The following MAP3K19 variants were observed in gnomAD, a reference collection of about 807,000 sequenced individuals.
MAP3K19 encodes SPS1/STE20-related protein kinase YSK4.
In MAP3K19, 91 loss-of-function variants were observed where a neutral mutation model predicts 114.4. That is an observed-to-expected ratio of 0.80 (90% CI 0.67 to 0.95). The LOEUF is 0.95. MAP3K19 is among the 40% of genes least tolerant of loss of function. The probability of loss-of-function intolerance (pLI) is 0.00; values close to 1 mark genes in which losing one functional copy is unlikely to be tolerated. For synonymous variants in MAP3K19, 518 were observed against 530.5 expected (o/e 0.98, Z 0.32); for missense variants, 1,471 against 1,573.2 (o/e 0.94, Z 1.10).
At chr2:135,026,894 T>G (rs1163989044) in intron 3 of MAP3K19, among the ~76,000 whole-genome samples, 1 of 152,190 alleles carries the variant, frequency 6.6e-6, no homozygotes, top group Non-Finnish European at 1.5e-5. Flanking sequence ...GAATAATAGG[T>G]AGCAAATTTT....
intron 2 of MAP3K19, among the ~76,000 whole-genome samples, chr2:135,032,275 T>C (rs1442470011): frequency 6.7e-6 from 1 of 148,894 alleles, no homozygotes; most frequent in Non-Finnish European, 1.5e-5. Context: ...GAGAATTGCT[T>C]GAAACCAGGG....
chr2:134,986,011 T>G lies in MAP3K19; in HGVS notation c.2861A>C (p.Gln954Pro). Reference sequence around the variant, plus strand: ...ATTATTTACAGAGTCCATAATTTCTTGGGAAATTGAATTTGTGCCACTTAA... The same window carrying G: ...ATTATTTACAGAGTCCATAATTTCTGGGGAAATTGAATTTGTGCCACTTAA... ...KTLSGTNSIS[Q>P]EIMDSVNNEE... The change falls in exon 10 of 13, where the codon CAA becomes CCA. Residue 954 changes from glutamine to proline, a missense_variant. Gln to Pro is a moderately conservative substitution (Grantham distance 76). Transcript: ENST00000392915. 6.2e-7 allele frequency: 1 copy of G among 1,613,164 alleles called. No individual in the cohort carries two copies. Among genetic ancestry groups the G allele is most frequent in the Non-Finnish European group, 8.5e-7 (1 of 1,179,698 alleles).
At chr2:134,980,788 T>C in intron 12 of MAP3K19, 33 bp downstream of exon 12, 1 of 1,585,704 alleles carries the variant, frequency 6.3e-7, no homozygotes, top group South Asian at 1.1e-5. Context: ...TCTCCGGGCA[T>C]TTATCTTCCT....
At chr2:134,985,363 A>T (rs562701264) in intron 10 of MAP3K19, among the ~76,000 whole-genome samples, 1 of 152,344 alleles carries the variant, frequency 6.6e-6, no homozygotes, top group East Asian at 1.9e-4. Flanking sequence ...TGTACATTTC[A>T]TGTCTTCCTA....
At chr2:134,989,416 G>C (rs1242474647) in intron 9 of MAP3K19, among the ~76,000 whole-genome samples, 2 of 152,188 alleles carry the variant, frequency 1.3e-5, no homozygotes, top group African/African-American at 4.8e-5. Flanking sequence ...AATGGAACCT[G>C]ACTCTAGAAA....
At chr2:135,005,323 T>G (rs1041223093) in intron 6 of MAP3K19, 112 bp downstream of exon 6, 1 of 761,722 alleles carries the variant, frequency 1.3e-6, no homozygotes. Flanking sequence ...TACCCTCTGA[T>G]AGGCTCCAGT....
Position 134,999,868 on chromosome 2 carries a change from A to G in MAP3K19, c.314+69T>C. The G allele has an allele frequency of 1.0e-6, 1 of 969,388 alleles. No homozygotes were observed. Among genetic ancestry groups the G allele is most frequent in the East Asian group, 2.4e-5 (1 of 41,838 alleles). 60.0% of individuals were successfully genotyped at this position (969,388 alleles called of 1,614,324 possible). ...TTATGGATTCAATTACTAATAATGT[A>G]GGTTGCCATATGACTATCATTGCTT... On this transcript the variant is annotated intron_variant, in intron 7 of 12. Transcript: ENST00000392915. The surrounding 1 kb of genome is among the most constrained non-coding windows in gnomAD (Gnocchi z 4.1).
intron 5 of MAP3K19, among the ~76,000 whole-genome samples, chr2:135,007,335 G>A (rs984741521): frequency 1.3e-5 from 2 of 152,128 alleles, no homozygotes; most frequent in African/African-American, 4.8e-5. Context: ...ATGGGATACA[G>A]GAGATATTTT....
At position 134,976,535 on chromosome 2, in the gene MAP3K19, C is replaced by T. The variant is rs562609091; in HGVS notation, c.3920+4286G>A. ...GAAATCCAGTGTTCTCTCTCAGATG[C>T]TATATTTGAAATGTGCTTATCTACT... On this transcript the variant is annotated intron_variant, in intron 12 of 12. Coordinates refer to ENST00000392915, the MANE Select transcript of MAP3K19 (RefSeq NM_025052.5). Among the ~76,000 whole-genome samples, 5 of 152,232 alleles carry T rather than the reference C, an allele frequency of 3.3e-5. No homozygotes were observed. In the East Asian group the frequency reaches 7.7e-4, roughly 23 times the overall value.
chr2:135,041,220 T>G (rs1688639779), intron 1 of MAP3K19, among the ~76,000 whole-genome samples: 1 of 152,210 alleles, frequency 6.6e-6, no homozygotes, highest in Non-Finnish European at 1.5e-5. Context: ...CAGTGCCCAC[T>G]GTTCTGGATT....
chr2:134,990,044 C>T (rs1295791201), intron 9 of MAP3K19, among the ~76,000 whole-genome samples: 1 of 151,684 alleles, frequency 6.6e-6, no homozygotes, highest in East Asian at 1.9e-4. Flanking sequence ...ATTGTGCCAA[C>T]TGCACTCCAG....
At chr2:135,019,964 C>T (rs1262926548) in intron 5 of MAP3K19, among the ~76,000 whole-genome samples, 1 of 152,104 alleles carries the variant, frequency 6.6e-6, no homozygotes, top group Non-Finnish European at 1.5e-5. Context: ...GGAGGCACCT[C>T]CTTTTTGGTA....
At chr2:135,014,897 T>A (rs1687479391) in intron 5 of MAP3K19, among the ~76,000 whole-genome samples, 1 of 152,248 alleles carries the variant, frequency 6.6e-6, no homozygotes, top group South Asian at 2.1e-4. Flanking sequence ...CTCATTTATG[T>A]GTAGTTTTAC....
At chr2:134,967,920 A>G (rs1294574631) in intron 12 of MAP3K19, among the ~76,000 whole-genome samples, 11 of 150,614 alleles carry the variant, frequency 7.3e-5, no homozygotes, top group East Asian at 2.0e-4. Flanking sequence ...GGGATTTGGC[A>G]GGGTCATAGG....
rs1253320670 is a variant in MAP3K19 at position 134,999,605 on chromosome 2, C to A, written c.314+332G>T. On this transcript the variant is annotated intron_variant, in intron 7 of 12. Coordinates refer to ENST00000392915, the MANE Select transcript of MAP3K19 (RefSeq NM_025052.5). This position sits in a 1 kb window ranked among gnomAD's most constrained non-coding sequence, Gnocchi z 4.1. ...GAACCACATTCTAAGTAGCTCTGCC[C>A]TGCAGTAGGGTCAGCAAACTACAGC... Among the ~76,000 whole-genome samples, 1 of 152,180 alleles carries A rather than the reference C, an allele frequency of 6.6e-6. No individual in the cohort carries two copies. The highest frequency in any genetic ancestry group is 1.5e-5 in the Non-Finnish European group (1 of 68,034).
chr2:134,970,536 T>G (rs1397082330), intron 12 of MAP3K19, among the ~76,000 whole-genome samples: 1 of 151,982 alleles, frequency 6.6e-6, no homozygotes, highest in East Asian at 1.9e-4. Context: ...TTTCTAGATA[T>G]AAGATCACGT....
At chr2:135,023,213 T>A (rs1453866080) in intron 4 of MAP3K19, 4 of 331,282 alleles carry the variant, frequency 1.2e-5, no homozygotes, top group African/African-American at 8.6e-5. Flanking sequence ...CCTTACCACA[T>A]CTGCTTTGTA....
At chr2:134,992,757 C>T (rs1685674909) in intron 8 of MAP3K19, among the ~76,000 whole-genome samples, 3 of 152,074 alleles carry the variant, frequency 2.0e-5, no homozygotes, top group Non-Finnish European at 4.4e-5. Context: ...GCAACCTCCA[C>T]CTCCTGGGTT....
In MAP3K19 at chr2:135,040,459, A is replaced by C. The variant is rs1027093400; in HGVS notation, c.-380T>G. 3 of 152,634 alleles carry C rather than the reference A, an allele frequency of 2.0e-5. No individual in the cohort carries two copies. The highest frequency in any genetic ancestry group is 7.2e-5 in the African/African-American group (3 of 41,450). The allele number at this position is 152,634 out of a possible 1,614,324, so 9.5% of individuals were successfully genotyped here. ...TTCCGAGGATGGATTGGACTTCGGTAATATAGTCACAGATGAGTTCCACAT... is the reference window on the plus strand; with the variant it reads ...TTCCGAGGATGGATTGGACTTCGGTCATATAGTCACAGATGAGTTCCACAT... On this transcript the variant is annotated 5_prime_UTR_variant, in exon 2 of 13. In the 5' UTR this introduces an upstream ATG that the reference lacks. Transcript: ENST00000392915.
Sources: allele counts gnomAD v4.1 joint callset (sites outside exome capture counted in the v4.1 genomes callset), GRCh38; gene constraint gnomAD v4.1.1; non-coding constraint Gnocchi (gnomAD v3.1); transcripts MANE v1.5; gene names NCBI Gene and HGNC (gene_info 2026-07-23, HGNC 2026-07-21).